Variants in CNTLN observed in about 807,000 individuals in gnomAD.
CNTLN encodes centlein.
A neutral mutation model predicts 180.0 loss-of-function variants in CNTLN; 212 were observed. The ratio of observed to expected loss-of-function variants is 1.18; its 90% confidence interval spans 1.05 to 1.32. CNTLN has a LOEUF of 1.32. Among genes scored for constraint, CNTLN ranks in the 40% most tolerant of loss-of-function variants. The pLI is 0.00. For missense variants in CNTLN, 2,095 were observed against 1,610.9 expected, an observed-to-expected ratio of 1.30 and a Z score of -5.14; for synonymous variants, 722 against 563.1, an observed-to-expected ratio of 1.28 and a Z score of -3.99.
chr9:17,200,888 G>A (rs1822476176), intron 2 of CNTLN, among the ~76,000 whole-genome samples: 1 of 152,184 alleles, frequency 6.6e-6, no homozygotes, highest in Non-Finnish European at 1.5e-5. Context: ...AGTGGTGAGA[G>A]AAGGCATCCT....
chr9:17,380,030 G>T (rs7027539), intron 13 of CNTLN, among the ~76,000 whole-genome samples: 127,001 of 152,174 alleles, frequency 0.83, 53,188 homozygotes, highest in Non-Finnish European at 0.87. Flanking sequence ...ATAGCTGCTC[G>T]AAGAGAACAA....
chr9:17,281,511 T>C (rs1332467713), intron 6 of CNTLN, among the ~76,000 whole-genome samples: 1 of 152,124 alleles, frequency 6.6e-6, no homozygotes, highest in African/African-American at 2.4e-5. Context: ...TGTGTTCTCA[T>C]TGTTCAGCTC....
chr9:17,481,102 C>T (rs1020413791), intron 23 of CNTLN, among the ~76,000 whole-genome samples: 3 of 152,142 alleles, frequency 2.0e-5, no homozygotes, highest in Non-Finnish European at 4.4e-5. Flanking sequence ...AGCCGCACCA[C>T]AGTCCCTACC....
At chr9:17,485,358 TACCA>T (rs1169509106) in intron 24 of CNTLN, among the ~76,000 whole-genome samples, 1 of 152,132 alleles carries the variant, frequency 6.6e-6, no homozygotes, top group African/African-American at 2.4e-5. Context: ...ATTTTTGAAC[TACCA>T]AGAATCCTCA....
chr9:17,173,060 A>T (rs182123194), intron 2 of CNTLN, among the ~76,000 whole-genome samples: 2 of 152,234 alleles, frequency 1.3e-5, no homozygotes, highest in Non-Finnish European at 2.9e-5. Flanking sequence ...GAAGACCAGC[A>T]TATTAATTTC....
At chr9:17,224,048 C>G (rs1222823639) in intron 2 of CNTLN, among the ~76,000 whole-genome samples, 2 of 152,084 alleles carry the variant, frequency 1.3e-5, no homozygotes, top group Admixed American at 1.3e-4. Context: ...TATAATATTA[C>G]TTTTAAGGAG....
intron 2 of CNTLN, among the ~76,000 whole-genome samples, chr9:17,217,345 C>T (rs996470553): frequency 3.3e-5 from 5 of 152,192 alleles, no homozygotes; most frequent in African/African-American, 1.2e-4. Context: ...ATTCAACATT[C>T]CATGGGGAAG....
intron 16 of CNTLN, among the ~76,000 whole-genome samples, chr9:17,411,118 C>T (rs984382369): frequency 6.6e-6 from 1 of 152,046 alleles, no homozygotes; most frequent in African/African-American, 2.4e-5. Context: ...AGGCAGCAGA[C>T]CAGCTAGGTA....
the CNTLN span, among the ~76,000 whole-genome samples, chr9:17,512,644 A>C: frequency 4.6e-5 from 7 of 152,184 alleles, no homozygotes; most frequent in African/African-American, 1.7e-4. Context: ...CAAATCTATA[A>C]TTAAGAAAAG....
chr9:17,424,860 G>C (rs1828969673), intron 18 of CNTLN, among the ~76,000 whole-genome samples: 1 of 152,132 alleles, frequency 6.6e-6, no homozygotes, highest in African/African-American at 2.4e-5. Context: ...TTCACCAGAT[G>C]CCGGAACCAT....
At chr9:17,194,754 A>T (rs1015106406) in intron 2 of CNTLN, among the ~76,000 whole-genome samples, 6 of 152,146 alleles carry the variant, frequency 3.9e-5, no homozygotes, top group African/African-American at 1.2e-4. Context: ...ACTGGTACCA[A>T]TATACTATAT....
At chr9:17,217,586 C>T (rs1823848207) in intron 2 of CNTLN, among the ~76,000 whole-genome samples, 1 of 152,162 alleles carries the variant, frequency 6.6e-6, no homozygotes, top group Admixed American at 6.5e-5. Flanking sequence ...TGGTGATGTG[C>T]AGATGTTAAA....
chr9:17,519,298 AT>A, the CNTLN span, among the ~76,000 whole-genome samples: 7 of 150,674 alleles, frequency 4.6e-5, no homozygotes, highest in Non-Finnish European at 1.0e-4. Context: ...CAAACACAGT[AT>A]TGCATGAGGG....
chr9:17,459,968 C>T (rs1831358474), intron 19 of CNTLN, among the ~76,000 whole-genome samples: 1 of 151,696 alleles, frequency 6.6e-6, no homozygotes, highest in Non-Finnish European at 1.5e-5. Context: ...AGATATCAAA[C>T]TGCTAATATA....
intron 25 of CNTLN, among the ~76,000 whole-genome samples, chr9:17,489,213 T>C (rs958312864): frequency 2.6e-5 from 4 of 152,092 alleles, no homozygotes; most frequent in African/African-American, 9.7e-5. Context: ...AGGTTTTCTT[T>C]GCCCACCAGC....
the CNTLN span, among the ~76,000 whole-genome samples, chr9:17,519,790 C>G: frequency 3.3e-5 from 5 of 152,174 alleles, no homozygotes; most frequent in South Asian, 2.1e-4. Flanking sequence ...ATGAGAAGGT[C>G]AAACAGTTAC....
chr9:17,190,067 T>G (rs1299019263), intron 2 of CNTLN, among the ~76,000 whole-genome samples: 2 of 151,128 alleles, frequency 1.3e-5, no homozygotes, highest in African/African-American at 4.9e-5. Context: ...TTGAGCTTCC[T>G]TACTCCAGTC....
At chr9:17,218,420 A>G (rs1823909238) in intron 2 of CNTLN, among the ~76,000 whole-genome samples, 1 of 151,986 alleles carries the variant, frequency 6.6e-6, no homozygotes, top group African/African-American at 2.4e-5. Flanking sequence ...TTCAAGTTTT[A>G]TTATTGTTAT....
chr9:17,207,710 C>T (rs1173983312), intron 2 of CNTLN, among the ~76,000 whole-genome samples: 1 of 151,966 alleles, frequency 6.6e-6, no homozygotes, highest in Non-Finnish European at 1.5e-5. Context: ...CTGGGTCCCT[C>T]ACTTGGAAAT....
Sources: gnomAD v4.1 joint callset for allele counts (sites outside exome capture counted in the v4.1 genomes callset) on GRCh38, gnomAD v4.1.1 for gene constraint, MANE v1.5 for transcripts, NCBI Gene and HGNC (gene_info 2026-07-23, HGNC 2026-07-21) for gene names.